The following TM2D3 variants were observed in gnomAD, a reference collection of about 807,000 sequenced individuals.
The protein encoded by TM2D3 is TM2 domain-containing protein 3.
TM2D3 carries 33 observed loss-of-function variants against 27.3 expected under a neutral mutation model. The ratio of observed to expected loss-of-function variants is 1.21; its 90% confidence interval spans 0.92 to 1.61. TM2D3 has a LOEUF of 1.61. Ranked by LOEUF, TM2D3 falls within the 40% of genes most tolerant of loss-of-function variation. TM2D3 has a pLI of 0.00. For missense variants in TM2D3, 364 were observed against 320.8 expected (o/e 1.13, Z -1.03); for synonymous variants, 138 against 122.2 (o/e 1.13, Z -0.85).
intron 4 of TM2D3, chr15:101,634,889 T>G (rs940058470): frequency 6.6e-6 from 1 of 152,174 alleles, no homozygotes; most frequent in Non-Finnish European, 1.5e-5. Flanking sequence ...CCAGGTGCAG[T>G]GGCTTATGCC....
At chr15:101,645,019 G>T in intron 5 of TM2D3, 68 bp downstream of exon 5, 2 of 1,359,494 alleles carry the variant, frequency 1.5e-6, no homozygotes, top group Non-Finnish European at 2.1e-6. Flanking sequence ...TGAGCTCAAT[G>T]TCTGAAGATT....
chr15:101,636,450 G>C (rs1203624646), intron 4 of TM2D3: 1 of 152,232 alleles, frequency 6.6e-6, no homozygotes, highest in Non-Finnish European at 1.5e-5. Flanking sequence ...GAAGCTCATA[G>C]CTCCTCATTG....
At chr15:101,638,325 G>A (rs553203950), downstream of TM2D3, among the ~76,000 whole-genome samples, 3 of 149,852 alleles carry the variant, frequency 2.0e-5, no homozygotes, top group East Asian at 3.9e-4. Context: ...ACAGAGTTTC[G>A]CTCTTGTTGC....
At chr15:101,636,264 G>A (rs1356870505) in intron 4 of TM2D3, 1 of 151,988 alleles carries the variant, frequency 6.6e-6, no homozygotes, top group South Asian at 2.1e-4. Context: ...AATAACAATA[G>A]ACAGATAGGC....
chr15:101,648,382 T>C (rs997849535), intron 3 of TM2D3: 1 of 152,240 alleles, frequency 6.6e-6, no homozygotes, highest in Non-Finnish European at 1.5e-5. Flanking sequence ...AGGCATCACT[T>C]GATTTAGGCA....
chr15:101,650,339 C>G, intron 2 of TM2D3, 178 bp from the exon 3 acceptor site: 1 of 559,378 alleles, frequency 1.8e-6, no homozygotes. Flanking sequence ...CCACGGCCAG[C>G]TGTGGGACCT....
chr15:101,647,733 A>G (rs1896852207), intron 3 of TM2D3, among the ~76,000 whole-genome samples: 1 of 152,170 alleles, frequency 6.6e-6, no homozygotes, highest in Non-Finnish European at 1.5e-5. Flanking sequence ...ATGTATATTT[A>G]TAAATTTACT....
chr15:101,652,278 C>G lies in TM2D3; in HGVS notation c.84G>C (p.Ser28=). Residue 28 remains serine, a synonymous_variant, in exon 1 of 6, where the codon TCG becomes TCC. Coordinates refer to ENST00000333202, the MANE Select transcript of TM2D3 (RefSeq NM_078474.3). Reference sequence around the variant, plus strand: ...ACCCAGCCTTTGACTCACCACCGCCCGACAGAATGCAGAACTGCGAGAGGA... The same window carrying G: ...ACCCAGCCTTTGACTCACCACCGCCGGACAGAATGCAGAACTGCGAGAGGA... ...LLFLSQFCIL[S]GGEQSQALAQ... The G allele has an allele frequency of 6.2e-7, 1 of 1,605,028 alleles. No homozygotes were observed. The highest frequency in any genetic ancestry group is 8.5e-7 in the Non-Finnish European group (1 of 1,176,200).
At chr15:101,639,940 C>T (rs1044499571), downstream of TM2D3, among the ~76,000 whole-genome samples, 1 of 151,952 alleles carries the variant, frequency 6.6e-6, no homozygotes, top group African/African-American at 2.4e-5. Flanking sequence ...AGCACCTTCC[C>T]GTGAGGCATT....
chr15:101,647,868 T>C (rs977275915), intron 3 of TM2D3, among the ~76,000 whole-genome samples: 10 of 151,978 alleles, frequency 6.6e-5, no homozygotes, highest in Non-Finnish European at 1.2e-4. Flanking sequence ...TGTATATATA[T>C]GTATACATAT....
rs768143919 is a variant in TM2D3, at chr15:101,652,328, G to T, written c.34C>A (p.Arg12Ser). The T allele has an allele frequency of 6.9e-6, 11 of 1,602,056 alleles. No individual in the cohort carries two copies. In the Middle Eastern group the frequency reaches 8.3e-4, roughly 121 times the overall value. The change falls in exon 1 of 6, where the codon CGC becomes AGC. Residue 12 changes from arginine (R) to serine (S), a missense_variant. Physicochemically the swap from Arg to Ser is moderately radical, Grantham distance 110. Transcript: ENST00000333202. The stretch of plus-strand genomic sequence containing the variant: ...AAGAGCAGCACGCGACACAAGGCGC[G>T]GAGGCCCCTCAGCGGGAGCACCCCT... ...AGGVLPLRGL[R>S]ALCRVLLFLS...
intron 3 of TM2D3, 31 bp from the exon 4 acceptor site, chr15:101,646,930 T>C (rs368968814): frequency 5.0e-6 from 8 of 1,613,004 alleles, no homozygotes; most frequent in Non-Finnish European, 6.8e-6. Flanking sequence ...AACTCATCAA[T>C]CACAATGGTG....
intron 3 of TM2D3, 21 bp from the exon 4 acceptor site, chr15:101,646,920 A>C (rs962042102): frequency 1.2e-6 from 2 of 1,613,794 alleles, no homozygotes. Context: ...AATGACACAA[A>C]ACTCATCAAT....
At chr15:101,650,345 G>GC in intron 2 of TM2D3, 184 bp from the exon 3 acceptor site, 2 of 539,694 alleles carry the variant, frequency 3.7e-6, no homozygotes, top group Middle Eastern at 4.7e-4. Flanking sequence ...CCAGCTGTGG[G>GC]ACCTGGTGAG....
rs982561454 is a variant in TM2D3, at chr15:101,642,712, A to C, written c.579-68T>G. 2.9e-6 allele frequency: 4 copies of C among 1,370,690 alleles called. No homozygotes were observed. In the African/African-American group the frequency reaches 4.4e-5, roughly 15 times the overall value. The allele number at this position is 1,370,690 out of a possible 1,614,324, so 84.9% of individuals were successfully genotyped here. A position where few individuals can be genotyped will look rare whatever the true frequency, so the allele number is the denominator to read the frequency against. Reference sequence around the variant, plus strand: ...CCCAGCTGTGGCCAGTCACGGTTTAATCACCACATTATGTCAGATTTGAGA... The same window carrying C: ...CCCAGCTGTGGCCAGTCACGGTTTACTCACCACATTATGTCAGATTTGAGA... On this transcript the variant is annotated intron_variant, in intron 5 of 5. Transcript: ENST00000333202.
downstream of TM2D3, among the ~76,000 whole-genome samples, chr15:101,638,752 CATTT>C (rs1896604803): frequency 3.3e-5 from 5 of 152,164 alleles, no homozygotes; most frequent in South Asian, 8.3e-4. Flanking sequence ...GTGGAGTTTT[CATTT>C]GTTTGCTGGT....
intron 5 of TM2D3, 110 bp from the exon 6 acceptor site, chr15:101,642,754 C>T (rs1041758193): frequency 1.6e-5 from 14 of 854,944 alleles, no homozygotes; most frequent in Middle Eastern, 3.7e-4. Flanking sequence ...TTCCCCTGAT[C>T]GTAGCCCTTA....
chr15:101,637,692 A>C (rs543358118), downstream of TM2D3, among the ~76,000 whole-genome samples: 1 of 152,230 alleles, frequency 6.6e-6, no homozygotes, highest in Admixed American at 6.5e-5. Flanking sequence ...GATCGCTCCC[A>C]CCTCAGCTTC....
Position 101,646,852 on chromosome 15 carries a change from G to T in TM2D3, c.375C>A (p.Cys125Ter). The T allele has an allele frequency of 6.2e-7, 1 of 1,614,158 alleles. No homozygotes were observed. Among genetic ancestry groups the T allele is most frequent in the Non-Finnish European group, 8.5e-7 (1 of 1,180,012 alleles). ...TTTCAGGAAGCTGCCAGCAAAATCT[G>T]CAAGTCATGTTAATGATGAAGTTCT... The part of the protein sequence containing the change: ...SQKNFIINMT[C>*]RFCWQLPETD... Residue 125 changes from cysteine to a stop codon, truncating the protein, a stop_gained, in exon 4 of 6, where the codon TGC becomes TGA. Coordinates refer to ENST00000333202, the MANE Select transcript of TM2D3 (RefSeq NM_078474.3). LOFTEE classifies it high-confidence loss of function.
Sources: allele counts gnomAD v4.1 joint callset (sites outside exome capture counted in the v4.1 genomes callset), GRCh38; gene constraint gnomAD v4.1.1; transcripts MANE v1.5; gene names NCBI Gene and HGNC (gene_info 2026-07-23, HGNC 2026-07-21).